Variants in FAM76B observed in about 807,000 individuals in gnomAD.
FAM76B encodes the protein family with sequence similarity 76 member B, also known as protein FAM76B.
FAM76B carries 16 observed loss-of-function variants against 51.8 expected under a neutral mutation model. The ratio of observed to expected loss-of-function variants is 0.31; its 90% CI spans 0.21 to 0.47. The LOEUF is 0.47. Among genes scored for constraint, FAM76B ranks in the 20% least tolerant of loss-of-function variants. The pLI is 1.00. For synonymous variants in FAM76B, 166 were observed against 129.5 expected (o/e 1.28, Z -1.91); for missense variants, 342 against 392.6 (o/e 0.87, Z 1.09).
intron 4 of FAM76B, among the ~76,000 whole-genome samples, chr11:95,783,473 C>T (rs1183458696): frequency 6.6e-6 from 1 of 152,144 alleles, no homozygotes; most frequent in African/African-American, 2.4e-5. Flanking sequence ...AATTATAAAA[C>T]TGATGAGGAT....
chr11:95,785,659 A>G (rs1000116560), intron 4 of FAM76B, among the ~76,000 whole-genome samples: 10 of 152,364 alleles, frequency 6.6e-5, no homozygotes, highest in African/African-American at 2.4e-4. Flanking sequence ...CAAAGGAATT[A>G]TCACATGAAC....
At position 95,783,176 on chromosome 11, in the gene FAM76B, G is replaced by A. The variant is rs796865494; in HGVS notation, c.452C>T (p.Ser151Phe). Reference sequence around the variant, plus strand: ...TGAAGAAGATGAATTTGAATGTGAAGATCCCAGGCTCTTCCTTTGTTCTTT... The same window carrying A: ...TGAAGAAGATGAATTTGAATGTGAAAATCCCAGGCTCTTCCTTTGTTCTTT... ...KTKEQRKSLG[S>F]SHSNSSSSSL... Residue 151 changes from serine to phenylalanine, a missense_variant, in exon 5 of 10, where the codon TCT (serine) becomes TTT (phenylalanine). Transcript: ENST00000358780. The A allele has an allele frequency of 1.2e-6, 2 of 1,613,918 alleles. No individual in the cohort carries two copies. The highest frequency in any genetic ancestry group is 2.7e-5 in the African/African-American group (2 of 75,050).
At chr11:95,773,021 T>C (rs1859838314) in intron 9 of FAM76B, among the ~76,000 whole-genome samples, 1 of 150,974 alleles carries the variant, frequency 6.6e-6, no homozygotes, top group African/African-American at 2.4e-5. Flanking sequence ...ATTTTGAGTC[T>C]GCAAATTTGA....
intron 5 of FAM76B, 46 bp from the exon 6 acceptor site, chr11:95,779,972 A>T: frequency 6.7e-7 from 1 of 1,485,844 alleles, no homozygotes; most frequent in Non-Finnish European, 9.2e-7. Context: ...TTATTTATTT[A>T]ATACATCTAA....
intron 9 of FAM76B, among the ~76,000 whole-genome samples, chr11:95,774,031 A>G (rs1859887935): frequency 6.6e-6 from 1 of 151,322 alleles, no homozygotes. Flanking sequence ...TTGGTTGCTA[A>G]AGGAAGTGAG....
At chr11:95,785,968 A>T (rs1397365756) in intron 4 of FAM76B, 151 bp downstream of exon 4, 5 of 880,862 alleles carry the variant, frequency 5.7e-6, no homozygotes, top group Non-Finnish European at 8.4e-6. Flanking sequence ...AAACAAAGAG[A>T]AAACTCACTA....
intron 3 of FAM76B, 93 bp from the exon 4 acceptor site, chr11:95,786,367 G>T: frequency 1.4e-6 from 2 of 1,416,198 alleles, no homozygotes; most frequent in Non-Finnish European, 1.9e-6. Context: ...CTGGAATTAA[G>T]AAAACTCAGG....
At chr11:95,774,999 A>G (rs1293930697) in intron 9 of FAM76B, among the ~76,000 whole-genome samples, 1 of 144,566 alleles carries the variant, frequency 6.9e-6, no homozygotes, top group Non-Finnish European at 1.5e-5. Context: ...TGGTGTTACA[A>G]TGTGAAAAAA....
intron 9 of FAM76B, 53 bp downstream of exon 9, chr11:95,775,869 T>C (rs1171498117): frequency 1.7e-6 from 2 of 1,183,762 alleles, no homozygotes; most frequent in Non-Finnish European, 2.4e-6. Context: ...TGAATGCTAT[T>C]ACTCAAGTTT....
Position 95,789,609 on chromosome 11 carries a change from C to G in FAM76B, c.-131G>C. On this transcript the variant is annotated 5_prime_UTR_variant, in exon 1 of 10. Transcript: ENST00000358780. ...TCCCCCTGCCTCGCGCCCACCAGGG[C>G]CTCGCCGCGAGAGCCCAGGGCCCCG... The G allele has an allele frequency of 1.4e-6, 1 of 726,928 alleles. No homozygotes were observed. The highest frequency in any genetic ancestry group is 2.1e-6 in the Non-Finnish European group (1 of 470,734). The allele number at this position is 726,928 out of a possible 1,614,324, so 45.0% of individuals were successfully genotyped here. A position where few individuals can be genotyped will look rare whatever the true frequency, so the allele number is the denominator to read the frequency against.
intron 4 of FAM76B, among the ~76,000 whole-genome samples, chr11:95,784,571 TACACACAC>T (rs919585950): frequency 1.4e-5 from 2 of 148,054 alleles, no homozygotes; most frequent in East Asian, 2.0e-4. Flanking sequence ...TGTGTATATA[TACACACAC>T]ACACACACAC....
rs1860888722 is a variant in FAM76B at position 95,789,628 on chromosome 11, G to A, written c.-150C>T. 2 of 591,210 alleles carry A rather than the reference G, an allele frequency of 3.4e-6. No homozygotes were observed. Among genetic ancestry groups the A allele is most frequent in the African/African-American group, 2.0e-5 (1 of 50,146 alleles). 36.6% of individuals were successfully genotyped at this position (591,210 alleles called of 1,614,324 possible). A position where few individuals can be genotyped will look rare whatever the true frequency, so the allele number is the denominator to read the frequency against. On this transcript the variant is annotated 5_prime_UTR_variant, in exon 1 of 10. Coordinates refer to ENST00000358780, the MANE Select transcript of FAM76B (RefSeq NM_144664.5). The stretch of plus-strand genomic sequence containing the variant: ...CCAGGGCCTCGCCGCGAGAGCCCAG[G>A]GCCCCGCGGACGACGCCACCGTCTC...
At position 95,779,705 on chromosome 11, in the gene FAM76B, T is replaced by A; in HGVS notation, c.612-18A>T. On this transcript the variant is annotated intron_variant, in intron 6 of 9. Transcript: ENST00000358780. ...ATTTATGGCTGAAACCAAACATTAA[T>A]AAGAATAGTTAGAGTAAAAAGGACA... The A allele has an allele frequency of 5.6e-6, 9 of 1,602,196 alleles. No homozygotes were observed. Among genetic ancestry groups the A allele is most frequent in the Non-Finnish European group, 7.7e-6 (9 of 1,175,494 alleles).
At chr11:95,780,355 T>G (rs1860201863) in intron 5 of FAM76B, among the ~76,000 whole-genome samples, 1 of 151,956 alleles carries the variant, frequency 6.6e-6, no homozygotes. Flanking sequence ...TTGCTCAGAA[T>G]AGTATTTCAA....
Position 95,789,530 on chromosome 11 carries a change from A to G in FAM76B, c.-52T>C. 1 of 1,525,318 alleles carries G rather than the reference A, an allele frequency of 6.6e-7. No homozygotes were observed. The highest frequency in any genetic ancestry group is 1.2e-5 in the South Asian group (1 of 83,680). The allele number at this position is 1,525,318 out of a possible 1,614,324, so 94.5% of individuals were successfully genotyped here. A position where few individuals can be genotyped will look rare whatever the true frequency, so the allele number is the denominator to read the frequency against. ...GCCGCCCGCTCCGAGGCGGGGCCCT[A>G]CGGAGAACCCGAGAGCCGCCGCCGC... is the stretch of plus-strand genomic sequence containing the variant. On this transcript the variant is annotated 5_prime_UTR_variant, in exon 1 of 10. Coordinates refer to ENST00000358780, the MANE Select transcript of FAM76B (RefSeq NM_144664.5).
chr11:95,786,455 T>C (rs1192811977), intron 3 of FAM76B, 181 bp from the exon 4 acceptor site: 2 of 547,752 alleles, frequency 3.7e-6, no homozygotes, highest in Non-Finnish European at 6.3e-6. Flanking sequence ...TGCATTCAAC[T>C]AGTATTTATT....
At chr11:95,783,850 C>A (rs1860409720) in intron 4 of FAM76B, among the ~76,000 whole-genome samples, 1 of 152,220 alleles carries the variant, frequency 6.6e-6, no homozygotes, top group African/African-American at 2.4e-5. Flanking sequence ...ACATTCTCAG[C>A]TGAGGTGGAA....
Position 95,770,725 on chromosome 11 carries a change from A to T in FAM76B, c.*836T>A, listed in dbSNP as rs1859730243. ...TGCATTATCAGTTAGTTCTAAATGT[A>T]ATCTCAAACATTTTACTAGCAACTT... is the stretch of plus-strand genomic sequence containing the variant. On this transcript the variant is annotated 3_prime_UTR_variant, in exon 10 of 10. Coordinates refer to ENST00000358780, the MANE Select transcript of FAM76B (RefSeq NM_144664.5). 6.6e-6 allele frequency: 1 copy of T among 151,764 alleles called. No individual in the cohort carries two copies. The highest frequency in any genetic ancestry group is 2.1e-4 in the South Asian group (1 of 4,830). 9.4% of individuals were successfully genotyped at this position (151,764 alleles called of 1,614,324 possible). A position where few individuals can be genotyped will look rare whatever the true frequency, so the allele number is the denominator to read the frequency against.
In FAM76B at chr11:95,786,109, T is replaced by C. The variant is rs1374637140; in HGVS notation, c.363+10A>G. On this transcript the variant is annotated intron_variant, in intron 4 of 9. Coordinates refer to ENST00000358780, the MANE Select transcript of FAM76B (RefSeq NM_144664.5). ...TTTCCAGAAGATGTCATAACATAAA[T>C]AAAGCATACCTTTCTTCTTCCTTCC... The C allele has an allele frequency of 6.9e-6, 11 of 1,593,896 alleles. No homozygotes were observed. The highest frequency in any genetic ancestry group is 1.3e-5 in the African/African-American group (1 of 74,202).
Sources: gnomAD v4.1 joint callset for allele counts (sites outside exome capture counted in the v4.1 genomes callset) on GRCh38, gnomAD v4.1.1 for gene constraint, MANE v1.5 for transcripts, NCBI Gene and HGNC (gene_info 2026-07-23, HGNC 2026-07-21) for gene names.